Variants in CENPP observed in about 807,000 individuals in gnomAD.
CENPP encodes the protein centromere protein P.
In CENPP, 24 loss-of-function variants were observed where a neutral mutation model predicts 35.6. That is an observed-to-expected ratio of 0.67 (90% CI 0.49 to 0.95). CENPP has a LOEUF of 0.95. Ranked by LOEUF, CENPP falls within the 40% of genes least tolerant of loss-of-function variation. The pLI is 0.00. For missense variants in CENPP, 332 were observed against 345.3 expected, an observed-to-expected ratio of 0.96 and a Z score of 0.31; for synonymous variants, 120 against 125.5, an observed-to-expected ratio of 0.96 and a Z score of 0.29.
chr9:92,500,192 C>CT (rs368245554), intron 5 of CENPP, among the ~76,000 whole-genome samples: 66 of 151,952 alleles, frequency 4.3e-4, no homozygotes, highest in African/African-American at 1.6e-3. Flanking sequence ...ATCTGTTAAT[C>CT]TTTTTTTTGA....
intron 5 of CENPP, among the ~76,000 whole-genome samples, chr9:92,572,020 G>C (rs1389396813): frequency 1.3e-5 from 2 of 150,716 alleles, no homozygotes; most frequent in Non-Finnish European, 3.0e-5. Flanking sequence ...ACAGCACACA[G>C]ATGGGTCTTG....
At chr9:92,358,952 C>CT (rs547707825) in intron 4 of CENPP, among the ~76,000 whole-genome samples, 55,711 of 122,368 alleles carry the variant, frequency 0.46, 13,980 homozygotes, top group African/African-American at 0.69. Flanking sequence ...TTCTTTCTTT[C>CT]TTTTTTTTTT....
chr9:92,404,490 G>A, intron 5 of CENPP: 2 of 1,280,898 alleles, frequency 1.6e-6, no homozygotes, highest in South Asian at 1.3e-5. Context: ...TGAAAAGTAA[G>A]CCTACCGTTG....
Position 92,619,209 on chromosome 9 carries a change from T to A in CENPP, c.*6060T>A, listed in dbSNP as rs983491025. On this transcript the variant is annotated 3_prime_UTR_variant, in exon 8 of 8. Transcript: ENST00000375587. ...TGGGCAGCTCACTGTCCACATTGTT[T>A]CTGAGCTCTTGGGAGTATTTTCTTA... The A allele has an allele frequency of 5.1e-6, 2 of 390,758 alleles. No individual in the cohort carries two copies. Among genetic ancestry groups the A allele is most frequent in the East Asian group, 9.1e-5 (2 of 21,930 alleles). 24.2% of individuals were successfully genotyped at this position (390,758 alleles called of 1,614,324 possible).
At chr9:92,332,485 C>T in intron 2 of CENPP, 134 bp downstream of exon 2, 2 of 655,742 alleles carry the variant, frequency 3.0e-6, no homozygotes, top group Non-Finnish European at 4.8e-6. Flanking sequence ...AACTTGTTTA[C>T]TCACATATCT....
intron 5 of CENPP, among the ~76,000 whole-genome samples, chr9:92,526,671 GA>G (rs1167332827): frequency 3.4e-5 from 5 of 148,714 alleles, no homozygotes; most frequent in East Asian, 4.0e-4. Context: ...TTTAGACAAA[GA>G]AAAAAAAGAG....
intron 5 of CENPP, among the ~76,000 whole-genome samples, chr9:92,409,256 T>C (rs1177976594): frequency 6.6e-6 from 1 of 152,178 alleles, no homozygotes; most frequent in Non-Finnish European, 1.5e-5. Context: ...TGTGTAGCCA[T>C]TATGATTTAA....
chr9:92,505,633 A>G lies in CENPP; in HGVS notation c.565-105681A>G, dbSNP rs1317836539. 41 of 1,609,376 alleles carry G rather than the reference A, an allele frequency of 2.5e-5. No homozygotes were observed. Among genetic ancestry groups the G allele is most frequent in the Non-Finnish European group, 3.4e-5 (40 of 1,178,686 alleles). On this transcript the variant is annotated intron_variant, in intron 5 of 7. Coordinates refer to ENST00000375587, the MANE Select transcript of CENPP (RefSeq NM_001012267.3). ...CAAAGGTTTGAAAGCTAAAGGATTG[A>G]CATTGGCTTCACTGAGATTGTTTCC...
At chr9:92,494,628 G>T (rs1290160000) in intron 5 of CENPP, among the ~76,000 whole-genome samples, 1 of 152,094 alleles carries the variant, frequency 6.6e-6, no homozygotes, top group Non-Finnish European at 1.5e-5. Flanking sequence ...AATAAGTCTT[G>T]CCTGGTGCAG....
At chr9:92,419,481 A>G (rs996418581) in intron 5 of CENPP, among the ~76,000 whole-genome samples, 1 of 151,746 alleles carries the variant, frequency 6.6e-6, no homozygotes, top group African/African-American at 2.4e-5. Context: ...TTGTATTTTT[A>G]GTAGAGATGG....
intron 5 of CENPP, among the ~76,000 whole-genome samples, chr9:92,595,858 A>G (rs113629052): frequency 0.011 from 1,720 of 152,256 alleles, 26 homozygotes; most frequent in African/African-American, 0.038. Context: ...CACCGCACCC[A>G]GCCTATTTCC....
intron 5 of CENPP, chr9:92,417,661 A>T (rs1280447820): frequency 5.5e-6 from 4 of 731,288 alleles, no homozygotes; most frequent in East Asian, 5.4e-5. Flanking sequence ...TATGAAATGT[A>T]TTATACCTAT....
intron 5 of CENPP, chr9:92,414,514 G>T: frequency 4.8e-6 from 1 of 209,750 alleles, no homozygotes; most frequent in East Asian, 7.3e-5. Flanking sequence ...GGTATTCTGA[G>T]GCAAAAAGAT....
intron 5 of CENPP, chr9:92,522,853 A>G: frequency 5.0e-6 from 8 of 1,603,444 alleles, no homozygotes; most frequent in Non-Finnish European, 6.8e-6. Flanking sequence ...ACAAAACAAA[A>G]CTGCAATCTT....
chr9:92,576,753 C>T (rs1452449073), intron 5 of CENPP, among the ~76,000 whole-genome samples: 1 of 152,042 alleles, frequency 6.6e-6, no homozygotes, highest in African/African-American at 2.4e-5. Flanking sequence ...GTGTCTCAGC[C>T]TCTCCCAAAG....
At chr9:92,344,188 T>C (rs1841209787) in intron 3 of CENPP, among the ~76,000 whole-genome samples, 1 of 152,066 alleles carries the variant, frequency 6.6e-6, no homozygotes, top group African/African-American at 2.4e-5. Flanking sequence ...TAGTTAGCAG[T>C]ACCACAAGCA....
At chr9:92,531,473 T>C (rs1273122201) in intron 5 of CENPP, among the ~76,000 whole-genome samples, 1 of 152,242 alleles carries the variant, frequency 6.6e-6, no homozygotes, top group Non-Finnish European at 1.5e-5. Context: ...ATTTTTATTT[T>C]GTCAAAGTTT....
intron 5 of CENPP, among the ~76,000 whole-genome samples, chr9:92,405,286 A>AT (rs938632881): frequency 7.9e-5 from 12 of 151,594 alleles, no homozygotes; most frequent in African/African-American, 2.9e-4. Flanking sequence ...AACTTTGAAG[A>AT]TTTTTTTAAA....
chr9:92,564,453 TA>T (rs1363801315), intron 5 of CENPP, among the ~76,000 whole-genome samples: 2 of 151,446 alleles, frequency 1.3e-5, no homozygotes, highest in African/African-American at 2.4e-5. Context: ...TTTACTAAGG[TA>T]GGGGGAATTC....
Sources: allele counts gnomAD v4.1 joint callset (sites outside exome capture counted in the v4.1 genomes callset), GRCh38; gene constraint gnomAD v4.1.1; transcripts MANE v1.5; gene names NCBI Gene and HGNC (gene_info 2026-07-23, HGNC 2026-07-21).